Variants in CTBP2 observed in about 807,000 individuals in gnomAD.
CTBP2 encodes C-terminal-binding protein 2.
In CTBP2, 30 loss-of-function variants were observed where a neutral mutation model predicts 80.3. The observed-to-expected ratio is 0.37, with a 90% CI of 0.28 to 0.51. The LOEUF is 0.51. Among genes scored for constraint, CTBP2 ranks in the 20% least tolerant of loss-of-function variants. CTBP2 has a pLI of 0.93. For synonymous variants in CTBP2, 594 were observed against 587.4 expected (o/e 1.01, Z -0.16); for missense variants, 1,212 against 1,375.3 (o/e 0.88, Z 1.88).
At position 125,027,966 on chromosome 10, in the gene CTBP2, T is replaced by C; in HGVS notation, c.-207A>G. 7.3e-7 allele frequency: 1 copy of C among 1,371,416 alleles called. No homozygotes were observed. 85.0% of individuals were successfully genotyped at this position (1,371,416 alleles called of 1,614,324 possible). On this transcript the variant is annotated 5_prime_UTR_variant, in exon 1 of 9. Transcript: ENST00000309035. ...CAAAACATAAGACTCACGGTAACTT[T>C]GCCTCACTCCCCAACGATAGCCAGA...
intron 1 of CTBP2, among the ~76,000 whole-genome samples, chr10:125,140,065 C>A (rs962303446): frequency 1.3e-5 from 2 of 152,170 alleles, no homozygotes; most frequent in Non-Finnish European, 2.9e-5. Context: ...CAGCTACTAA[C>A]CCCATGTACC....
In CTBP2 at chr10:125,131,986, C is replaced by T. The variant is rs79624521; in HGVS notation, c.-205-20893G>A. 9.0e-4 allele frequency among the ~76,000 whole-genome samples: 137 copies of T among 152,336 alleles called. 1 individual carries two copies. The highest frequency in any genetic ancestry group is 3.0e-3 in the African/African-American group (125 of 41,568). On this transcript the variant is annotated intron_variant, in intron 1 of 10. Transcript: ENST00000337195. The stretch of plus-strand genomic sequence containing the variant: ...CAGCTGGTGGTCTCTGCCATACTCA[C>T]CTTCTGTCTCAGTCTTAGGTCAGGC...
intron 1 of CTBP2, among the ~76,000 whole-genome samples, chr10:125,112,081 C>T (rs149872676): frequency 8.0e-5 from 12 of 150,874 alleles, no homozygotes; most frequent in South Asian, 2.1e-4. Flanking sequence ...CAAAAAGGCA[C>T]GAACCACATT....
intron 1 of CTBP2, among the ~76,000 whole-genome samples, chr10:125,148,066 C>G (rs984343013): frequency 4.6e-5 from 7 of 152,180 alleles, no homozygotes; most frequent in Non-Finnish European, 1.0e-4. Context: ...GGAGAGAAGT[C>G]CAGCATTTCT....
At chr10:125,036,418 A>G (rs1454366083) in intron 3 of CTBP2, among the ~76,000 whole-genome samples, 2 of 152,062 alleles carry the variant, frequency 1.3e-5, no homozygotes, top group Non-Finnish European at 2.9e-5. Context: ...AGACACCAAG[A>G]GCAGGAAGAC....
At chr10:124,995,156 A>G (rs140363802) in intron 4 of CTBP2, among the ~76,000 whole-genome samples, 41 of 152,326 alleles carry the variant, frequency 2.7e-4, no homozygotes, top group African/African-American at 9.6e-4. Flanking sequence ...TCGCTCCTGC[A>G]AAGGGTGACA....
intron 2 of CTBP2, among the ~76,000 whole-genome samples, chr10:125,059,386 A>G (rs1389850794): frequency 2.6e-5 from 4 of 151,996 alleles, no homozygotes; most frequent in Non-Finnish European, 5.9e-5. Context: ...TTCAACACCA[A>G]CCTGGCCAAC....
chr10:124,991,734 G>A (rs538821333), intron 8 of CTBP2, among the ~76,000 whole-genome samples: 3 of 152,218 alleles, frequency 2.0e-5, no homozygotes, highest in East Asian at 1.9e-4. Context: ...GGCCTCCTAC[G>A]AGAGAATGAA....
At chr10:125,089,163 A>G (rs192224936) in intron 2 of CTBP2, among the ~76,000 whole-genome samples, 172 of 152,336 alleles carry the variant, frequency 1.1e-3, no homozygotes, top group African/African-American at 3.9e-3. Flanking sequence ...GACATGCTGC[A>G]AACATTTTTT....
At chr10:125,041,390 G>A (rs1474304106) in intron 2 of CTBP2, among the ~76,000 whole-genome samples, 1 of 151,894 alleles carries the variant, frequency 6.6e-6, no homozygotes, top group Non-Finnish European at 1.5e-5. Flanking sequence ...GCCAGTGCTG[G>A]GCTTTCTGAA....
intron 1 of CTBP2, among the ~76,000 whole-genome samples, chr10:125,139,081 G>C (rs1033211702): frequency 6.6e-5 from 10 of 152,144 alleles, no homozygotes; most frequent in African/African-American, 2.4e-4. Flanking sequence ...ACAGACAGTA[G>C]ATACTATTAG....
At chr10:125,108,405 C>CCATTACCTCTGAG (rs1226202826) in intron 2 of CTBP2, among the ~76,000 whole-genome samples, 1 of 152,192 alleles carries the variant, frequency 6.6e-6, no homozygotes, top group Non-Finnish European at 1.5e-5. Context: ...GATGGTGTCA[C>CCATTACCTCTGAG]GTGATTTTCA....
intron 2 of CTBP2, among the ~76,000 whole-genome samples, chr10:125,040,599 T>TACACACAC (rs59512017): frequency 0.093 from 13,552 of 145,928 alleles, 659 homozygotes; most frequent in Admixed American, 0.13. Flanking sequence ...CACAACCACA[T>TACACACAC]ACACACACAC....
intron 2 of CTBP2, among the ~76,000 whole-genome samples, chr10:125,056,897 C>T (rs1014482702): frequency 6.6e-6 from 1 of 152,260 alleles, no homozygotes; most frequent in African/African-American, 2.4e-5. Context: ...CATGTATCCA[C>T]AGGCAGAGCT....
intron 2 of CTBP2, among the ~76,000 whole-genome samples, chr10:125,053,640 C>A (rs915862978): frequency 3.9e-5 from 6 of 152,104 alleles, no homozygotes; most frequent in Admixed American, 3.9e-4. Flanking sequence ...GAGGTTAGAC[C>A]CTCTGGGCTT....
chr10:125,061,019 G>A (rs1386831265), intron 2 of CTBP2, among the ~76,000 whole-genome samples: 1 of 152,168 alleles, frequency 6.6e-6, no homozygotes, highest in Non-Finnish European at 1.5e-5. Flanking sequence ...GCTAGATCCC[G>A]GCTCCCGGCA....
intron 2 of CTBP2, among the ~76,000 whole-genome samples, chr10:125,095,304 T>C (rs898879874): frequency 1.3e-5 from 2 of 152,076 alleles, no homozygotes; most frequent in African/African-American, 4.8e-5. Flanking sequence ...TGCCTAAGGC[T>C]CTGAATGCAA....
intron 2 of CTBP2, among the ~76,000 whole-genome samples, chr10:125,058,628 CTAAAAATACAA>C (rs1242300373): frequency 6.6e-6 from 1 of 152,100 alleles, no homozygotes; most frequent in Non-Finnish European, 1.5e-5. Flanking sequence ...CCCAACTCTA[CTAAAAATACAA>C]AGATTAGTCA....
intron 3 of CTBP2, among the ~76,000 whole-genome samples, chr10:125,038,145 C>T (rs778747731): frequency 6.6e-6 from 1 of 152,224 alleles, no homozygotes; most frequent in Admixed American, 6.5e-5. Context: ...GTGGCATGAG[C>T]CACATCTACT....
Sources: allele counts gnomAD v4.1 joint callset (sites outside exome capture counted in the v4.1 genomes callset), GRCh38; gene constraint gnomAD v4.1.1; transcripts MANE v1.5; gene names NCBI Gene and HGNC (gene_info 2026-07-23, HGNC 2026-07-21).